SETD7: variants seen among roughly 807,000 people sequenced by gnomAD.
SETD7 encodes histone-lysine N-methyltransferase SETD7.
Under a neutral mutation model 41.8 loss-of-function variants are expected in SETD7, and 16 were observed. That is an observed-to-expected ratio of 0.38 (90% confidence interval 0.26 to 0.58). The LOEUF (loss-of-function observed/expected upper bound fraction) is 0.58. SETD7 is among the 20% of genes least tolerant of loss of function. The pLI, the probability that SETD7 is intolerant of heterozygous loss-of-function variation, is 0.64. For missense variants in SETD7, 346 were observed against 459.7 expected, an observed-to-expected ratio of 0.75 and a Z score of 2.26; for synonymous variants, 163 against 169.7, an observed-to-expected ratio of 0.96 and a Z score of 0.31.
At chr4:139,498,688 C>T (rs1029171323) in intron 7 of SETD7, among the ~76,000 whole-genome samples, 1 of 152,200 alleles carries the variant, frequency 6.6e-6, no homozygotes, top group Admixed American at 6.5e-5. Context: ...GCCCTTCTGT[C>T]TCTGAGTCCC....
intron 1 of SETD7, among the ~76,000 whole-genome samples, chr4:139,553,032 C>G (rs574275900): frequency 1.3e-5 from 2 of 152,278 alleles, no homozygotes; most frequent in African/African-American, 4.8e-5. Flanking sequence ...AAAAGCCACA[C>G]CAGAGCTCAG....
chr4:139,531,188 A>G (rs1459322794), intron 3 of SETD7, among the ~76,000 whole-genome samples: 2 of 152,188 alleles, frequency 1.3e-5, no homozygotes, highest in Non-Finnish European at 2.9e-5. Flanking sequence ...TTAATATGAT[A>G]ATCAAGGCTA....
intron 7 of SETD7, among the ~76,000 whole-genome samples, chr4:139,497,201 T>G (rs1039013618): frequency 6.6e-6 from 1 of 152,204 alleles, no homozygotes; most frequent in Admixed American, 6.5e-5. Context: ...ACGCCTGTAA[T>G]CCCAGCACTT....
chr4:139,527,320 G>A (rs551517068), intron 4 of SETD7, among the ~76,000 whole-genome samples: 8 of 152,330 alleles, frequency 5.3e-5, no homozygotes, highest in South Asian at 2.1e-4. Flanking sequence ...ATGAGAGTCC[G>A]AGGCAGGAAG....
In SETD7 at chr4:139,511,646, C is replaced by T; in HGVS notation, c.*17G>A. On this transcript the variant is annotated 3_prime_UTR_variant, in exon 8 of 8. Coordinates refer to ENST00000274031, the MANE Select transcript of SETD7 (RefSeq NM_030648.4). ...CAAGTTTCTATTCCAGGTCTCTGAA[C>T]CCCAAAGCCAGGCCTTTCACTTTTG... 1.9e-6 allele frequency: 3 copies of T among 1,613,574 alleles called. No homozygotes were observed. The highest frequency in any genetic ancestry group is 1.3e-5 in the African/African-American group (1 of 74,996).
chr4:139,532,866 T>C (rs2111152476), intron 3 of SETD7: 1 of 472,144 alleles, frequency 2.1e-6, no homozygotes, highest in Admixed American at 3.8e-5. Context: ...TTAAAAGCAA[T>C]ATATTTTGCC....
At position 139,508,285 on chromosome 4, in the gene SETD7, A is replaced by G. The variant is rs548094831; in HGVS notation, c.*3378T>C. The G allele has an allele frequency of 3.3e-5, 5 of 152,332 alleles. No individual in the cohort carries two copies. The highest frequency in any genetic ancestry group is 2.1e-4 in the South Asian group (1 of 4,828). 9.4% of individuals were successfully genotyped at this position (152,332 alleles called of 1,614,324 possible). A position where few individuals can be genotyped will look rare whatever the true frequency, so the allele number is the denominator to read the frequency against. Reference sequence around the variant, plus strand: ...ACTACAGTCCTAGACAGGTTCAAAGAGCTCTTGGAAAACTAATTTCCTTCT... The same window carrying G: ...ACTACAGTCCTAGACAGGTTCAAAGGGCTCTTGGAAAACTAATTTCCTTCT... On this transcript the variant is annotated 3_prime_UTR_variant, in exon 8 of 8. Coordinates refer to ENST00000274031, the MANE Select transcript of SETD7 (RefSeq NM_030648.4).
intron 4 of SETD7, among the ~76,000 whole-genome samples, chr4:139,524,371 A>G (rs1287405355): frequency 1.4e-4 from 21 of 152,218 alleles, no homozygotes; most frequent in Non-Finnish European, 1.3e-4. Context: ...TTGGTCATAC[A>G]GGGGATGGAA....
chr4:139,497,176 C>T (rs1168218837), intron 7 of SETD7, among the ~76,000 whole-genome samples: 2 of 152,094 alleles, frequency 1.3e-5, no homozygotes, highest in African/African-American at 4.8e-5. Flanking sequence ...AAATAAAGTC[C>T]GGGTGCGGTG....
chr4:139,506,899 C>T lies in SETD7; in HGVS notation c.*4764G>A, dbSNP rs1238979753. The T allele has an allele frequency of 6.6e-6, 1 of 152,662 alleles. No homozygotes were observed. Among genetic ancestry groups the T allele is most frequent in the East Asian group, 1.9e-4 (1 of 5,190 alleles). 9.5% of individuals were successfully genotyped at this position (152,662 alleles called of 1,614,324 possible). A position where few individuals can be genotyped will look rare whatever the true frequency, so the allele number is the denominator to read the frequency against. Reference sequence around the variant, plus strand: ...TTTTGTTATCGGAGGACGTCTCTCTCTCTGGTTGGAAGTTTGGTGCTTGGG... The same window carrying T: ...TTTTGTTATCGGAGGACGTCTCTCTTTCTGGTTGGAAGTTTGGTGCTTGGG... On this transcript the variant is annotated 3_prime_UTR_variant, in exon 8 of 8. Transcript: ENST00000274031.
downstream of SETD7, among the ~76,000 whole-genome samples, chr4:139,505,638 G>C (rs1315225531): frequency 2.0e-5 from 3 of 151,944 alleles, no homozygotes; most frequent in Non-Finnish European, 4.4e-5. Context: ...CAGGAATAAG[G>C]GATTGCCAGG....
At position 139,520,354 on chromosome 4, in the gene SETD7, C is replaced by G; in HGVS notation, c.685G>C (p.Gly229Arg). ...AESLISSAGE[G>R]LFSKVAVGPN... ...CCCACAGCTACCTTTGAAAAAAGTC[C>G]TTCTCCAGCACTGGAAATAAGAGAT... The change falls in exon 6 of 8, where the codon GGA (glycine) becomes CGA (arginine). Residue 229 changes from glycine to arginine, a missense_variant. Coordinates refer to ENST00000274031, the MANE Select transcript of SETD7 (RefSeq NM_030648.4). The G allele has an allele frequency of 6.2e-7, 1 of 1,609,828 alleles. No individual in the cohort carries two copies. The highest frequency in any genetic ancestry group is 8.5e-7 in the Non-Finnish European group (1 of 1,177,952).
At chr4:139,547,199 G>C in intron 1 of SETD7, 150 bp from the exon 2 acceptor site, 1 of 950,184 alleles carries the variant, frequency 1.1e-6, no homozygotes, top group Non-Finnish European at 1.5e-6. Flanking sequence ...AGGGTAGTCA[G>C]CGTGCAAAAG....
At chr4:139,548,926 T>C (rs1728036641) in intron 1 of SETD7, among the ~76,000 whole-genome samples, 1 of 152,192 alleles carries the variant, frequency 6.6e-6, no homozygotes, top group Non-Finnish European at 1.5e-5. Flanking sequence ...ATAAATTCAA[T>C]GACATTTGAG....
intron 3 of SETD7, among the ~76,000 whole-genome samples, 199 bp from the exon 4 acceptor site, chr4:139,529,419 C>T (rs1727420542): frequency 6.6e-6 from 1 of 152,164 alleles, no homozygotes; most frequent in African/African-American, 2.4e-5. Flanking sequence ...AAATATACTG[C>T]TAGAAAGTCA....
downstream of SETD7, among the ~76,000 whole-genome samples, chr4:139,505,833 C>T (rs1726690102): frequency 6.6e-6 from 1 of 152,186 alleles, no homozygotes; most frequent in African/African-American, 2.4e-5. Context: ...TGTGGCTAAT[C>T]CTTCTGGATT....
intron 2 of SETD7, among the ~76,000 whole-genome samples, chr4:139,537,584 T>G (rs962758269): frequency 6.6e-6 from 1 of 152,252 alleles, no homozygotes; most frequent in Non-Finnish European, 1.5e-5. Flanking sequence ...TTATCGATGT[T>G]AAATTTACGT....
intron 2 of SETD7, among the ~76,000 whole-genome samples, chr4:139,544,210 C>T (rs967730586): frequency 6.6e-6 from 1 of 151,214 alleles, no homozygotes; most frequent in Non-Finnish European, 1.5e-5. Flanking sequence ...GAGGATCACC[C>T]GAGTCCAGGG....
At chr4:139,539,750 T>G (rs1180265415) in intron 2 of SETD7, among the ~76,000 whole-genome samples, 3 of 152,262 alleles carry the variant, frequency 2.0e-5, no homozygotes, top group Admixed American at 6.5e-5. Flanking sequence ...GTGGGGCCTT[T>G]GGGAGGTAAT....
Sources: allele counts gnomAD v4.1 joint callset (sites outside exome capture counted in the v4.1 genomes callset), GRCh38; gene constraint gnomAD v4.1.1; transcripts MANE v1.5; gene names NCBI Gene and HGNC (gene_info 2026-07-23, HGNC 2026-07-21).